OR14L1: variants seen among roughly 807,000 people sequenced by gnomAD.
OR14L1 encodes the protein olfactory receptor family 14 subfamily L member 1.
chr1:247,622,157 C>G, the OR14L1 span: 1 of 152,130 alleles, frequency 6.6e-6, no homozygotes. Flanking sequence ...TTGGGCAAGT[C>G]TATTGGCACC....
chr1:247,618,114 A>G, the OR14L1 span, among the ~76,000 whole-genome samples: 1 of 152,146 alleles, frequency 6.6e-6, no homozygotes, highest in Non-Finnish European at 1.5e-5. Flanking sequence ...CCAGCTATTT[A>G]GGCGATCAAT....
At chr1:247,617,521 A>G in the OR14L1 span, 1 of 152,258 alleles carries the variant, frequency 6.6e-6, no homozygotes. Flanking sequence ...GATTAAGCAC[A>G]ACACATTTTA....
the OR14L1 span, chr1:247,619,670 A>T: frequency 6.6e-6 from 1 of 152,078 alleles, no homozygotes; most frequent in Non-Finnish European, 1.5e-5. Flanking sequence ...GAAGTTGCTG[A>T]ATTTTTCCTC....
At chr1:247,621,164 A>G in the OR14L1 span, 1 of 152,178 alleles carries the variant, frequency 6.6e-6, no homozygotes, top group African/African-American at 2.4e-5. Context: ...CAGAGGAGAA[A>G]TGTCATTTTC....
the OR14L1 span, chr1:247,621,362 A>C: frequency 6.6e-6 from 1 of 152,306 alleles, no homozygotes; most frequent in East Asian, 1.9e-4. Flanking sequence ...TATAATATAA[A>C]TAGCATCCTA....
At chr1:247,621,883 T>A in the OR14L1 span, 1 of 152,172 alleles carries the variant, frequency 6.6e-6, no homozygotes, top group South Asian at 2.1e-4. Flanking sequence ...CAGAATTTCA[T>A]GTTTTTTTTC....
chr1:247,618,480 A>G, the OR14L1 span, among the ~76,000 whole-genome samples: 4 of 152,088 alleles, frequency 2.6e-5, no homozygotes, highest in African/African-American at 4.8e-5. Flanking sequence ...CTTAAACACT[A>G]TAGAAGTCTG....
chr1:247,621,229 C>T, the OR14L1 span: 1 of 152,108 alleles, frequency 6.6e-6, no homozygotes, highest in Admixed American at 6.5e-5. Context: ...TTTTCCTCTG[C>T]ATAGGAAAGT....
the OR14L1 span, among the ~76,000 whole-genome samples, chr1:247,618,840 A>G: frequency 6.6e-6 from 1 of 152,156 alleles, no homozygotes; most frequent in Non-Finnish European, 1.5e-5. Context: ...CCTAGCTCAG[A>G]CACTGTTCTC....
chr1:247,620,510 GT>G, the OR14L1 span: 1 of 152,230 alleles, frequency 6.6e-6, no homozygotes, highest in Non-Finnish European at 1.5e-5. Context: ...GTCATCTATA[GT>G]CTGAGGAATA....
the OR14L1 span, among the ~76,000 whole-genome samples, chr1:247,618,235 G>A: frequency 6.6e-6 from 1 of 152,046 alleles, no homozygotes; most frequent in Admixed American, 6.6e-5. Flanking sequence ...AGAAAGACCA[G>A]GAAATCAGTG....
At chr1:247,618,449 A>G in the OR14L1 span, among the ~76,000 whole-genome samples, 863 of 152,254 alleles carry the variant, frequency 5.7e-3, 9 homozygotes, top group Non-Finnish European at 7.6e-3. Context: ...GATATGGGTG[A>G]AAATCCATTT....
At chr1:247,617,509 T>C in the OR14L1 span, 1 of 152,356 alleles carries the variant, frequency 6.6e-6, no homozygotes, top group Non-Finnish European at 1.5e-5. Flanking sequence ...ATCTGATTTA[T>C]AGATTAAGCA....
At chr1:247,617,164 A>T in the OR14L1 span, 1 of 152,348 alleles carries the variant, frequency 6.6e-6, no homozygotes, top group East Asian at 1.9e-4. Flanking sequence ...TCACAGCTAA[A>T]TGGAAACCAG....
At chr1:247,620,237 T>C in the OR14L1 span, 1 of 152,210 alleles carries the variant, frequency 6.6e-6, no homozygotes, top group African/African-American at 2.4e-5. Context: ...ATTGGAGTCA[T>C]GGTTTTTGGT....
chr1:247,617,417 A>G, the OR14L1 span: 1 of 152,246 alleles, frequency 6.6e-6, no homozygotes, highest in Non-Finnish European at 1.5e-5. Flanking sequence ...TCAATACCAT[A>G]AGTGGAAAAT....
the OR14L1 span, chr1:247,620,383 A>G: frequency 6.6e-6 from 1 of 152,154 alleles, no homozygotes; most frequent in Non-Finnish European, 1.5e-5. Context: ...TGTGGTTGTA[A>G]CACTCTTTAT....
chr1:247,621,512 T>C, the OR14L1 span: 1 of 152,178 alleles, frequency 6.6e-6, no homozygotes, highest in Non-Finnish European at 1.5e-5. Context: ...ATGTAATATA[T>C]CACCTGAAAC....
chr1:247,622,320 A>G, the OR14L1 span: 2 of 152,146 alleles, frequency 1.3e-5, no homozygotes, highest in Admixed American at 1.3e-4. Flanking sequence ...TCGGGGAGCC[A>G]TGAACTGTTC....
Sources: allele counts gnomAD v4.1 joint callset (sites outside exome capture counted in the v4.1 genomes callset), GRCh38; gene constraint gnomAD v4.1.1; transcripts MANE v1.5; gene names NCBI Gene and HGNC (gene_info 2026-07-23, HGNC 2026-07-21).